RAB38: variants seen among roughly 807,000 people sequenced by gnomAD.
RAB38 encodes ras-related protein Rab-38.
Under a neutral mutation model 18.4 loss-of-function variants are expected in RAB38, and 15 were observed. The ratio of observed to expected loss-of-function variants is 0.82; its 90% confidence interval spans 0.55 to 1.26. The LOEUF (loss-of-function observed/expected upper bound fraction) is 1.26. Among genes scored for constraint, RAB38 ranks in the 50% most tolerant of loss-of-function variants. RAB38 has a pLI of 0.00. For missense variants in RAB38, 294 were observed against 267.4 expected, an observed-to-expected ratio of 1.10 and a Z score of -0.69; for synonymous variants, 101 against 104.4, an observed-to-expected ratio of 0.97 and a Z score of 0.20.
chr11:88,110,039 AAT>A (rs1465860551), downstream of RAB38, among the ~76,000 whole-genome samples: 1 of 152,152 alleles, frequency 6.6e-6, no homozygotes, highest in Non-Finnish European at 1.5e-5. Flanking sequence ...AAAGATTATA[AAT>A]CATTCTACTA....
chr11:88,112,509 C>A (rs1942486891), downstream of RAB38, among the ~76,000 whole-genome samples: 2 of 152,284 alleles, frequency 1.3e-5, no homozygotes, highest in South Asian at 4.1e-4. Context: ...CAGGATCCTG[C>A]AGAGTTGTAA....
At chr11:88,134,923 T>C (rs1228015839) in intron 2 of RAB38, among the ~76,000 whole-genome samples, 1 of 152,186 alleles carries the variant, frequency 6.6e-6, no homozygotes, top group East Asian at 1.9e-4. Flanking sequence ...CTCACCTCTA[T>C]CACTCTGCTA....
At chr11:87,870,927 A>G in the RAB38 span, among the ~76,000 whole-genome samples, 14 of 151,794 alleles carry the variant, frequency 9.2e-5, no homozygotes, top group South Asian at 6.2e-4. Flanking sequence ...ATCTTATGCA[A>G]TTGAATTTTT....
chr11:88,072,117 C>A, the RAB38 span, among the ~76,000 whole-genome samples: 2 of 152,132 alleles, frequency 1.3e-5, no homozygotes, highest in Non-Finnish European at 2.9e-5. Context: ...AATCAGAAAT[C>A]AGCAATGATT....
intron 2 of RAB38, among the ~76,000 whole-genome samples, chr11:88,128,750 G>C (rs549144049): frequency 3.9e-5 from 6 of 152,330 alleles, no homozygotes; most frequent in African/African-American, 1.4e-4. Flanking sequence ...GATGACTTTA[G>C]TTTCAGGCAC....
At chr11:87,881,947 G>A in the RAB38 span, among the ~76,000 whole-genome samples, 1 of 151,768 alleles carries the variant, frequency 6.6e-6, no homozygotes, top group Non-Finnish European at 1.5e-5. Flanking sequence ...GTAGTAACCA[G>A]TGCCATTCTT....
chr11:87,976,712 A>G, the RAB38 span, among the ~76,000 whole-genome samples: 1 of 111,040 alleles, frequency 9.0e-6, no homozygotes, highest in African/African-American at 3.5e-5. Flanking sequence ...TTACATATTT[A>G]TATTTCTATA....
chr11:87,936,384 T>G, the RAB38 span, among the ~76,000 whole-genome samples: 4,936 of 152,230 alleles, frequency 0.032, 188 homozygotes, highest in East Asian at 0.21. Flanking sequence ...TGTTCCAACA[T>G]CATTTATTGA....
At chr11:88,046,302 C>T in the RAB38 span, among the ~76,000 whole-genome samples, 1 of 152,180 alleles carries the variant, frequency 6.6e-6, no homozygotes, top group Non-Finnish European at 1.5e-5. Flanking sequence ...ACCAGACAAG[C>T]CTTACAGGTT....
the RAB38 span, among the ~76,000 whole-genome samples, chr11:88,075,509 G>A: frequency 6.6e-6 from 1 of 152,086 alleles, no homozygotes; most frequent in Non-Finnish European, 1.5e-5. Flanking sequence ...GAAATACAAC[G>A]TACCAAGGTC....
the RAB38 span, among the ~76,000 whole-genome samples, chr11:87,837,158 T>C: frequency 6.6e-6 from 1 of 152,212 alleles, no homozygotes; most frequent in East Asian, 1.9e-4. Flanking sequence ...TGTAACGCCA[T>C]TCTCTTTAAG....
the RAB38 span, among the ~76,000 whole-genome samples, chr11:87,968,395 C>T: frequency 2.6e-5 from 4 of 152,056 alleles, no homozygotes; most frequent in Non-Finnish European, 2.9e-5. Flanking sequence ...GCTTCCCTTG[C>T]GTCTAGGTGT....
At chr11:87,858,384 A>C in the RAB38 span, among the ~76,000 whole-genome samples, 1 of 152,060 alleles carries the variant, frequency 6.6e-6, no homozygotes, top group Admixed American at 6.6e-5. Context: ...CAAATGCTCC[A>C]AGGAACTCTG....
At chr11:88,051,537 A>C in the RAB38 span, among the ~76,000 whole-genome samples, 1 of 145,434 alleles carries the variant, frequency 6.9e-6, no homozygotes, top group Non-Finnish European at 1.5e-5. Flanking sequence ...GGAACCTAAC[A>C]AAAAAAAAAA....
chr11:87,827,227 A>T, the RAB38 span, among the ~76,000 whole-genome samples: 9 of 152,140 alleles, frequency 5.9e-5, no homozygotes, highest in Admixed American at 1.3e-4. Context: ...CATGGAGTAG[A>T]ATGGAAAACT....
At chr11:87,885,348 C>G in the RAB38 span, among the ~76,000 whole-genome samples, 1 of 143,186 alleles carries the variant, frequency 7.0e-6, no homozygotes, top group Non-Finnish European at 1.5e-5. Flanking sequence ...TCTGCTCTCT[C>G]TGCTTTGGAT....
the RAB38 span, among the ~76,000 whole-genome samples, chr11:87,893,514 TGTA>T: frequency 1.9e-4 from 28 of 150,980 alleles, no homozygotes; most frequent in Non-Finnish European, 3.4e-4. Flanking sequence ...TTTAAAAAAT[TGTA>T]GTAAAAAAGC....
the RAB38 span, among the ~76,000 whole-genome samples, chr11:87,887,621 T>C: frequency 6.6e-6 from 1 of 151,962 alleles, no homozygotes; most frequent in African/African-American, 2.4e-5. Flanking sequence ...AAAATTGTTG[T>C]TTGAAATAAA....
At chr11:87,835,916 T>C in the RAB38 span, among the ~76,000 whole-genome samples, 2 of 152,224 alleles carry the variant, frequency 1.3e-5, no homozygotes, top group Non-Finnish European at 1.5e-5. Context: ...CTTTGCCTGA[T>C]TCTTCAATTT....
Sources: allele counts gnomAD v4.1 joint callset (sites outside exome capture counted in the v4.1 genomes callset), GRCh38; gene constraint gnomAD v4.1.1; transcripts MANE v1.5; gene names NCBI Gene and HGNC (gene_info 2026-07-23, HGNC 2026-07-21).